The following IKZF3 variants were observed in gnomAD, a reference collection of about 807,000 sequenced individuals.
IKZF3 encodes the protein zinc finger protein Aiolos.
In IKZF3, 10 loss-of-function variants were observed where a neutral mutation model predicts 49.0. That is an observed-to-expected ratio of 0.20 (90% confidence interval 0.13 to 0.35). The LOEUF (loss-of-function observed/expected upper bound fraction) is 0.35. IKZF3 is among the 10% of genes least tolerant of loss of function. The pLI, the probability that IKZF3 is intolerant of heterozygous loss-of-function variation, is 1.00. For missense variants in IKZF3, 498 were observed against 664.8 expected (o/e 0.75, Z 2.76); for synonymous variants, 209 against 228.2 (o/e 0.92, Z 0.76).
intron 2 of IKZF3, among the ~76,000 whole-genome samples, chr17:39,830,129 G>A (rs993721430): frequency 1.3e-5 from 2 of 152,176 alleles, no homozygotes; most frequent in African/African-American, 4.8e-5. Flanking sequence ...TGCTATTTAT[G>A]ACAAAGTAGT....
intron 3 of IKZF3, among the ~76,000 whole-genome samples, chr17:39,803,657 G>A (rs542377006): frequency 6.6e-6 from 1 of 152,112 alleles, no homozygotes; most frequent in Non-Finnish European, 1.5e-5. Flanking sequence ...GGGATTACAG[G>A]CATGTACCAC....
chr17:39,795,878 C>G (rs2061148844), intron 3 of IKZF3, among the ~76,000 whole-genome samples: 1 of 151,094 alleles, frequency 6.6e-6, no homozygotes, highest in Admixed American at 6.6e-5. Context: ...CATAGCAAAA[C>G]CCCGTCTCCA....
At chr17:39,844,675 T>G (rs1184322865) in intron 1 of IKZF3, among the ~76,000 whole-genome samples, 8 of 152,122 alleles carry the variant, frequency 5.3e-5, no homozygotes, top group African/African-American at 1.9e-4. Context: ...CAGGCTGGAG[T>G]GCAATGGTGC....
chr17:39,766,394 T>C lies in IKZF3; in HGVS notation c.926A>G (p.Asn309Ser). ...GGCGCCAAGATAGCTGATGGCGTTA[T>C]TGATGGCTTGGTCCATCATGCGGGT... ...IQTRMMDQAINNAISYLGAEA... is the reference protein window; with the variant it reads ...IQTRMMDQAISNAISYLGAEA... The change falls in exon 8 of 8, where the codon AAT (asparagine) becomes AGT (serine). Residue 309 changes from asparagine (N) to serine (S), a missense_variant. Coordinates refer to ENST00000346872, the MANE Select transcript of IKZF3 (RefSeq NM_012481.5). The C allele has an allele frequency of 6.2e-6, 10 of 1,614,212 alleles. No homozygotes were observed. The highest frequency in any genetic ancestry group is 8.5e-6 in the Non-Finnish European group (10 of 1,180,036).
rs1356278055 is a variant in IKZF3 at position 39,762,521 on chromosome 17, G to A, written c.*3269C>T. On this transcript the variant is annotated 3_prime_UTR_variant, in exon 8 of 8. Transcript: ENST00000346872. ...GCAAATTCATTAGTCACAGGAAAAAGGAGGATCATATCTATAAAAAGAGTC... is the reference window on the plus strand; with the variant it reads ...GCAAATTCATTAGTCACAGGAAAAAAGAGGATCATATCTATAAAAAGAGTC... The A allele has an allele frequency of 1.3e-5, 2 of 152,186 alleles. No individual in the cohort carries two copies. The highest frequency in any genetic ancestry group is 2.4e-5 in the African/African-American group (1 of 41,426). The allele number at this position is 152,186 out of a possible 1,614,324, so 9.4% of individuals were successfully genotyped here. A position where few individuals can be genotyped will look rare whatever the true frequency, so the allele number is the denominator to read the frequency against.
chr17:39,828,287 G>A (rs550985304), intron 3 of IKZF3, among the ~76,000 whole-genome samples: 1 of 152,280 alleles, frequency 6.6e-6, no homozygotes, highest in African/African-American at 2.4e-5. Flanking sequence ...GGTAGAAATA[G>A]CCCACTAGTT....
intron 3 of IKZF3, among the ~76,000 whole-genome samples, chr17:39,812,501 A>ACCAT (rs2144112635): frequency 6.6e-6 from 1 of 152,310 alleles, no homozygotes; most frequent in African/African-American, 2.4e-5. Flanking sequence ...ATTTCAAGCT[A>ACCAT]CCATCATGGA....
At chr17:39,826,832 C>T (rs2061969506) in intron 3 of IKZF3, among the ~76,000 whole-genome samples, 1 of 152,132 alleles carries the variant, frequency 6.6e-6, no homozygotes, top group African/African-American at 2.4e-5. Context: ...CCTTGGACCT[C>T]CTGAGGCACA....
intron 3 of IKZF3, among the ~76,000 whole-genome samples, chr17:39,810,551 C>A (rs2952147): frequency 1 from 151,139 of 151,248 alleles, 75,515 homozygotes; most frequent in Middle Eastern, 1. Flanking sequence ...ATGGAATTTT[C>A]TCCTAATGTA....
At position 39,766,420 on chromosome 17, in the gene IKZF3, C is replaced by G; in HGVS notation, c.900G>C (p.Gln300His). 1.9e-6 allele frequency: 3 copies of G among 1,614,120 alleles called. No homozygotes were observed. Among genetic ancestry groups the G allele is most frequent in the Non-Finnish European group, 2.5e-6 (3 of 1,180,016 alleles). The change falls in exon 8 of 8, where the codon CAG becomes CAC. Residue 300 changes from glutamine (Q) to histidine (H), a missense_variant. By Grantham distance (24) the Gln-to-His change is conservative (BLOSUM62 0). Around this residue, in one of 3 missense-constraint regions of IKZF3, gnomAD observed 317 missense variants for 397.3 expected, o/e 0.80. Coordinates refer to ENST00000346872, the MANE Select transcript of IKZF3 (RefSeq NM_012481.5). Reference sequence around the variant, plus strand: ...TGATGGCTTGGTCCATCATGCGGGTCTGTATGAGCTCACTCTCTTTCTCAT... The same window carrying G: ...TGATGGCTTGGTCCATCATGCGGGTGTGTATGAGCTCACTCTCTTTCTCAT... ...YMYEKESELIQTRMMDQAINN... is the reference protein window; with the variant it reads ...YMYEKESELIHTRMMDQAINN...
At chr17:39,778,946 T>A (rs1000880880) in intron 6 of IKZF3, among the ~76,000 whole-genome samples, 2 of 152,224 alleles carry the variant, frequency 1.3e-5, no homozygotes, top group African/African-American at 4.8e-5. Flanking sequence ...AAGAAATACC[T>A]ATGCCCAGGC....
chr17:39,811,164 G>A (rs536129826), intron 3 of IKZF3, among the ~76,000 whole-genome samples: 131 of 151,092 alleles, frequency 8.7e-4, no homozygotes, highest in African/African-American at 3.1e-3. Flanking sequence ...TTGAGCCCAC[G>A]AGGTCAAGGC....
In IKZF3 at chr17:39,766,044, C is replaced by T. The variant is rs891247136; in HGVS notation, c.1276G>A (p.Glu426Lys). ...CAGATGGGCGGGGGCTTGAGGAGTT[C>T]GTAAGAGCGGGGAACCTCCTTCAGA... ...PLLKEVPRSYELLKPPPICPR... is the reference protein window; with the variant it reads ...PLLKEVPRSYKLLKPPPICPR... Residue 426 changes from glutamate to lysine, a missense_variant, in exon 8 of 8, where the codon GAA becomes AAA. Coordinates refer to ENST00000346872, the MANE Select transcript of IKZF3 (RefSeq NM_012481.5). The T allele has an allele frequency of 4.2e-5, 67 of 1,614,014 alleles. No individual in the cohort carries two copies. Among genetic ancestry groups the T allele is most frequent in the Non-Finnish European group, 5.3e-5 (62 of 1,180,038 alleles).
intron 7 of IKZF3, among the ~76,000 whole-genome samples, chr17:39,773,534 A>G (rs2060496961): frequency 1.3e-5 from 2 of 152,208 alleles, no homozygotes; most frequent in African/African-American, 2.4e-5. Flanking sequence ...CCTCATTAAC[A>G]TGTTTACCAC....
intron 6 of IKZF3, among the ~76,000 whole-genome samples, chr17:39,785,304 T>C (rs2060847474): frequency 6.6e-6 from 1 of 152,190 alleles, no homozygotes; most frequent in South Asian, 2.1e-4. Flanking sequence ...GCTGTGAATT[T>C]ACACATTTAT....
chr17:39,793,151 T>C (rs1020745587), intron 3 of IKZF3, among the ~76,000 whole-genome samples: 18 of 152,174 alleles, frequency 1.2e-4, no homozygotes, highest in African/African-American at 4.1e-4. Context: ...CACATAAAAA[T>C]AGACGATAGT....
intron 3 of IKZF3, among the ~76,000 whole-genome samples, chr17:39,798,753 C>T (rs1451358812): frequency 6.6e-6 from 1 of 152,162 alleles, no homozygotes; most frequent in African/African-American, 2.4e-5. Context: ...GATCCGCCGG[C>T]CTCGGCCTCC....
At chr17:39,826,825 T>C (rs1288859710) in intron 3 of IKZF3, among the ~76,000 whole-genome samples, 1 of 152,188 alleles carries the variant, frequency 6.6e-6, no homozygotes, top group Non-Finnish European at 1.5e-5. Flanking sequence ...ATATTTCCCT[T>C]GGACCTCCTG....
intron 6 of IKZF3, among the ~76,000 whole-genome samples, chr17:39,786,057 G>C (rs1292076814): frequency 6.6e-6 from 1 of 152,200 alleles, no homozygotes; most frequent in African/African-American, 2.4e-5. Flanking sequence ...CTAGAGGAAG[G>C]GGGAATAGGG....
Sources: allele counts gnomAD v4.1 joint callset (sites outside exome capture counted in the v4.1 genomes callset), GRCh38; gene constraint gnomAD v4.1.1; regional missense constraint gnomAD v4.1.1; transcripts MANE v1.5; gene names NCBI Gene and HGNC (gene_info 2026-07-23, HGNC 2026-07-21).